CSMD1: variants seen among roughly 807,000 people sequenced by gnomAD.
The protein encoded by CSMD1 is CUB and sushi domain-containing protein 1.
Under a neutral mutation model 417.5 loss-of-function variants are expected in CSMD1, and 213 were observed. The ratio of observed to expected loss-of-function variants is 0.51; its 90% CI spans 0.46 to 0.57. The LOEUF (loss-of-function observed/expected upper bound fraction) is 0.57. CSMD1 is among the 20% of genes least tolerant of loss of function. The pLI, the probability that CSMD1 is intolerant of heterozygous loss-of-function variation, is 0.00. For missense variants in CSMD1, 6,923 were observed against 4,529.7 expected (o/e 1.53, Z -15.17); for synonymous variants, 2,862 against 1,736.8 (o/e 1.65, Z -16.11).
intron 2 of CSMD1, among the ~76,000 whole-genome samples, chr8:4,434,753 A>T (rs1422817130): frequency 2.0e-5 from 3 of 152,144 alleles, no homozygotes; most frequent in Non-Finnish European, 2.9e-5. Context: ...CTTAGCTCTT[A>T]GACTGTCAAA....
At chr8:4,705,514 G>C (rs891993181) in intron 1 of CSMD1, among the ~76,000 whole-genome samples, 1 of 152,088 alleles carries the variant, frequency 6.6e-6, no homozygotes. Context: ...AAGGAAACGC[G>C]CACAGCCTTT....
rs1798360598 is a variant in CSMD1, at chr8:3,660,531, T to C, written c.1010-43734A>G. Among the ~76,000 whole-genome samples the C allele has an allele frequency of 1.1e-4, 2 of 17,518 alleles. 1 individual carries two copies. The highest frequency in any genetic ancestry group is 4.7e-4 in the African/African-American group (2 of 4,268). 11.5% of individuals were successfully genotyped at this position (17,518 alleles called of 152,430 possible). On this transcript the variant is annotated intron_variant, in intron 7 of 69. Coordinates refer to ENST00000635120, the MANE Select transcript of CSMD1 (RefSeq NM_033225.6). ...TTTTTTTTTTTTTTTTTTTTTTTTT[T>C]TTTTTTTGAAAAAAAACAAGGCCCT...
intron 7 of CSMD1, among the ~76,000 whole-genome samples, chr8:3,668,886 G>A (rs1227684082): frequency 6.6e-6 from 1 of 152,116 alleles, no homozygotes; most frequent in African/African-American, 2.4e-5. Flanking sequence ...CCTTAATGCG[G>A]GTGGCAAAGC....
At chr8:4,325,944 T>A (rs1799533447) in intron 3 of CSMD1, among the ~76,000 whole-genome samples, 1 of 152,154 alleles carries the variant, frequency 6.6e-6, no homozygotes, top group African/African-American at 2.4e-5. Context: ...CTTTTTCTGT[T>A]CACGGTCATA....
intron 26 of CSMD1, among the ~76,000 whole-genome samples, chr8:3,259,339 A>G (rs956125084): frequency 3.3e-5 from 5 of 152,198 alleles, no homozygotes; most frequent in Non-Finnish European, 5.9e-5. Flanking sequence ...AGGAATCTTG[A>G]CTTCGTTCAC....
chr8:4,854,752 C>T (rs181770021), intron 1 of CSMD1, among the ~76,000 whole-genome samples: 121 of 152,284 alleles, frequency 7.9e-4, no homozygotes, highest in African/African-American at 2.8e-3. Flanking sequence ...ACACCTGGCT[C>T]GGAGGGTCCT....
At chr8:3,353,168 C>T (rs987439790) in intron 21 of CSMD1, among the ~76,000 whole-genome samples, 6 of 152,166 alleles carry the variant, frequency 3.9e-5, no homozygotes, top group Non-Finnish European at 8.8e-5. Context: ...CTTTAATAAC[C>T]TTGTGATTCC....
intron 21 of CSMD1, among the ~76,000 whole-genome samples, chr8:3,354,928 G>GATATCTATATCTATAC (rs1808673944): frequency 1.3e-5 from 2 of 150,614 alleles, no homozygotes; most frequent in Non-Finnish European, 3.0e-5. Context: ...TCTATCTATA[G>GATATCTATATCTATAC]ATATAGATAT....
At chr8:4,296,888 G>T (rs887891378) in intron 3 of CSMD1, among the ~76,000 whole-genome samples, 7 of 152,008 alleles carry the variant, frequency 4.6e-5, no homozygotes, top group Admixed American at 4.6e-4. Flanking sequence ...TTTTAAAAAT[G>T]CTCATCTCAT....
intron 1 of CSMD1, among the ~76,000 whole-genome samples, chr8:4,935,981 G>A (rs899336856): frequency 2.6e-5 from 4 of 152,160 alleles, no homozygotes; most frequent in Non-Finnish European, 2.9e-5. Flanking sequence ...CTTCATGGAA[G>A]AATCAGCAAA....
rs1563533312 is a variant in CSMD1, at chr8:4,833,645, G to A, written c.85+160687C>T. On this transcript the variant is annotated intron_variant, in intron 1 of 69. Transcript: ENST00000635120. The stretch of plus-strand genomic sequence containing the variant: ...GCTGATACTGTATCTCTGCAACAGA[G>A]TAGACAACACTACGTAGAGTGTTGC... Among the ~76,000 whole-genome samples, 3 of 152,188 alleles carry A rather than the reference G, an allele frequency of 2.0e-5. No individual in the cohort carries two copies. The South Asian group carries it at 6.2e-4, about 31-fold the overall frequency.
At chr8:4,242,085 A>G (rs1802438466) in intron 3 of CSMD1, among the ~76,000 whole-genome samples, 1 of 152,162 alleles carries the variant, frequency 6.6e-6, no homozygotes, top group Non-Finnish European at 1.5e-5. Flanking sequence ...ACCAGGCAGA[A>G]TTTTTGCATC....
intron 5 of CSMD1, among the ~76,000 whole-genome samples, chr8:3,762,984 T>A (rs1311890203): frequency 1.3e-5 from 2 of 152,188 alleles, no homozygotes; most frequent in Non-Finnish European, 2.9e-5. Flanking sequence ...ACCATGACAT[T>A]TGGTGTAGTC....
chr8:4,714,553 G>T (rs755596397), intron 1 of CSMD1, among the ~76,000 whole-genome samples: 1 of 152,104 alleles, frequency 6.6e-6, no homozygotes, highest in Non-Finnish European at 1.5e-5. Flanking sequence ...GGCCCAAAGA[G>T]AAGTCGGAAC....
chr8:3,989,061 A>C (rs1814547247), intron 5 of CSMD1, among the ~76,000 whole-genome samples: 1 of 152,240 alleles, frequency 6.6e-6, no homozygotes, highest in African/African-American at 2.4e-5. Context: ...TGTAGGGCAG[A>C]AATCTGAACT....
At chr8:4,611,377 TC>T (rs1394064818) in intron 2 of CSMD1, among the ~76,000 whole-genome samples, 2 of 152,208 alleles carry the variant, frequency 1.3e-5, no homozygotes, top group African/African-American at 2.4e-5. Flanking sequence ...CTAACTCAGC[TC>T]CCCACTGGCT....
intron 1 of CSMD1, among the ~76,000 whole-genome samples, chr8:4,728,639 G>A (rs1809631422): frequency 6.6e-6 from 1 of 152,080 alleles, no homozygotes; most frequent in Non-Finnish European, 1.5e-5. Flanking sequence ...ACCCATGTAT[G>A]TTAGAGAATC....
chr8:4,176,008 G>A (rs1334819370), intron 3 of CSMD1, among the ~76,000 whole-genome samples: 4 of 152,114 alleles, frequency 2.6e-5, no homozygotes, highest in African/African-American at 9.7e-5. Context: ...GCTAGCCCAG[G>A]CTTCTCGCCA....
chr8:4,132,111 A>C (rs182172319), intron 3 of CSMD1, among the ~76,000 whole-genome samples: 1 of 151,914 alleles, frequency 6.6e-6, no homozygotes, highest in African/African-American at 2.4e-5. Context: ...ATGGATCCCC[A>C]AAGTCTGTCT....
Sources: allele counts gnomAD v4.1 joint callset (sites outside exome capture counted in the v4.1 genomes callset), GRCh38; gene constraint gnomAD v4.1.1; transcripts MANE v1.5; gene names NCBI Gene and HGNC (gene_info 2026-07-23, HGNC 2026-07-21).